RNPEP: variants seen among roughly 807,000 people sequenced by gnomAD.
RNPEP encodes the protein arginyl aminopeptidase, also known as aminopeptidase B.
RNPEP carries 57 observed loss-of-function variants against 70.1 expected under a neutral mutation model. The observed-to-expected ratio is 0.81, with a 90% CI of 0.66 to 1.01. The LOEUF (loss-of-function observed/expected upper bound fraction) is 1.01. RNPEP is among the 50% of genes least tolerant of loss of function. The pLI is 0.00. For synonymous variants in RNPEP, 335 were observed against 357.4 expected (o/e 0.94, Z 0.71); for missense variants, 787 against 852.4 (o/e 0.92, Z 0.96).
intron 4 of RNPEP, 141 bp downstream of exon 4, chr1:201,996,404 A>AG (rs1683552461): frequency 1.4e-6 from 1 of 698,138 alleles, no homozygotes; most frequent in Non-Finnish European, 2.6e-6. Flanking sequence ...GGAGGAAGAG[A>AG]GGAGGGTATG....
chr1:201,985,700 C>T (rs1025803323), intron 1 of RNPEP, among the ~76,000 whole-genome samples: 3 of 152,132 alleles, frequency 2.0e-5, no homozygotes, highest in African/African-American at 7.2e-5. Flanking sequence ...ATATTATTAA[C>T]CAAGATTGAA....
rs887799967 is a variant in RNPEP at position 202,000,370 on chromosome 1, C to G, written c.1204+355C>G. ...TAGCCTTATTTTACAGAGGATGGGA[C>G]TGAGTGCCAGACAAGTTAAGTGTCT... is the stretch of plus-strand genomic sequence containing the variant. On this transcript the variant is annotated intron_variant, in intron 6 of 10. Transcript: ENST00000295640. 1.0e-4 allele frequency: 19 copies of G among 184,582 alleles called. No homozygotes were observed. The South Asian group carries it at 2.2e-3, about 21-fold the overall frequency. The allele number at this position is 184,582 out of a possible 1,614,324, so 11.4% of individuals were successfully genotyped here. A position where few individuals can be genotyped will look rare whatever the true frequency, so the allele number is the denominator to read the frequency against.
intron 1 of RNPEP, among the ~76,000 whole-genome samples, chr1:201,985,001 T>G (rs927142246): frequency 6.6e-6 from 1 of 151,666 alleles, no homozygotes; most frequent in Non-Finnish European, 1.5e-5. Flanking sequence ...GAGACCAGCC[T>G]GGCCAACATG....
In RNPEP at chr1:201,992,000, G is replaced by T. The variant is rs1683353502; in HGVS notation, c.737+2469G>T. Among the ~76,000 whole-genome samples, 2 of 152,116 alleles carry T rather than the reference G, an allele frequency of 1.3e-5. 1 individual carries two copies. Among genetic ancestry groups the T allele is most frequent in the African/African-American group, 4.8e-5 (2 of 41,516 alleles). ...CTAACACCCAGGGTTGAGGGTGGCT[G>T]CAGGGTTTCTTGTGCCTTTCTCCCT... On this transcript the variant is annotated intron_variant, in intron 3 of 10. Transcript: ENST00000295640.
Position 201,996,345 on chromosome 1 carries a change from C to T in RNPEP, c.854+82C>T. ...TCTTCCTCTTCGTGTGGCTTTTCCA[C>T]CTCCTGCCTCCCAGAGCAAAGTTTC... is the stretch of plus-strand genomic sequence containing the variant. On this transcript the variant is annotated intron_variant, in intron 4 of 10. Coordinates refer to ENST00000295640, the MANE Select transcript of RNPEP (RefSeq NM_020216.4). 4 of 967,278 alleles carry T rather than the reference C, an allele frequency of 4.1e-6. No homozygotes were observed. The South Asian group carries it at 4.1e-5, about 10-fold the overall frequency. 59.9% of individuals were successfully genotyped at this position (967,278 alleles called of 1,614,324 possible).
rs963533677 is a variant in RNPEP, at chr1:201,982,819, G to C, written c.153G>C (p.Gly51=). ...TGCGGGCTGAGTTCGGGCCTCCAGG[G>C]CCCGGCGCAGGGAGCCGGGGGCTGA... The part of the protein sequence containing the change: ...LDLRAEFGPP[G]PGAGSRGLSG... The change falls in exon 1 of 11, where the codon GGG becomes GGC. Residue 51 remains glycine (G), a synonymous_variant. Transcript: ENST00000295640. 2 of 1,333,590 alleles carry C rather than the reference G, an allele frequency of 1.5e-6. No individual in the cohort carries two copies. Among genetic ancestry groups the C allele is most frequent in the African/African-American group, 3.1e-5 (2 of 64,790 alleles). 82.6% of individuals were successfully genotyped at this position (1,333,590 alleles called of 1,614,324 possible). A position where few individuals can be genotyped will look rare whatever the true frequency, so the allele number is the denominator to read the frequency against.
chr1:202,003,220 T>A lies in RNPEP; in HGVS notation c.1427-17T>A. The stretch of plus-strand genomic sequence containing the variant: ...TGGCCAGAGAATTCTGATAGTGTCT[T>A]CTCTCCTCCCAAACAGGTTTTGAGT... On this transcript the variant is annotated splice_polypyrimidine_tract_variant and intron_variant, in intron 8 of 10. Transcript: ENST00000295640. 1 of 1,597,074 alleles carries A rather than the reference T, an allele frequency of 6.3e-7. No individual in the cohort carries two copies. The highest frequency in any genetic ancestry group is 8.6e-7 in the Non-Finnish European group (1 of 1,167,662).
intron 3 of RNPEP, among the ~76,000 whole-genome samples, chr1:201,993,625 C>A (rs1428476926): frequency 2.3e-4 from 32 of 140,140 alleles, no homozygotes; most frequent in East Asian, 6.2e-4. Context: ...AAAAAAAAAA[C>A]AAACTCGGCC....
chr1:202,004,981 C>T (rs1405407227), intron 10 of RNPEP, among the ~76,000 whole-genome samples: 29 of 152,098 alleles, frequency 1.9e-4, no homozygotes, highest in Admixed American at 1.9e-3. Context: ...CATCAGATTC[C>T]GGAGCAGGGA....
chr1:201,984,053 C>A (rs1683037894), intron 1 of RNPEP, among the ~76,000 whole-genome samples: 1 of 152,208 alleles, frequency 6.6e-6, no homozygotes, highest in Non-Finnish European at 1.5e-5. Flanking sequence ...ACCTCACCCT[C>A]CCTAGTAGCT....
chr1:201,989,085 A>C, intron 2 of RNPEP, 41 bp downstream of exon 2: 1 of 1,585,556 alleles, frequency 6.3e-7, no homozygotes, highest in Non-Finnish European at 8.6e-7. Context: ...CTTGGGATGA[A>C]GAAATGATTT....
At chr1:201,993,612 CAA>C (rs113348804) in intron 3 of RNPEP, among the ~76,000 whole-genome samples, 2 of 134,344 alleles carry the variant, frequency 1.5e-5, no homozygotes, top group Non-Finnish European at 1.6e-5. Context: ...AAAGCCAAAA[CAA>C]AAAAAAAAAA....
Position 201,989,375 on chromosome 1 carries a change from G to T in RNPEP, c.589-8G>T, listed in dbSNP as rs544152156. On this transcript the variant is annotated splice_polypyrimidine_tract_variant and splice_region_variant and intron_variant, in intron 2 of 10. Coordinates refer to ENST00000295640, the MANE Select transcript of RNPEP (RefSeq NM_020216.4). Reference sequence around the variant, plus strand: ...AGGTAAAATCTCCTAAGCTTTCTCTGTTGTCAGGTCCCAGATGGCTTCACA... The same window carrying T: ...AGGTAAAATCTCCTAAGCTTTCTCTTTTGTCAGGTCCCAGATGGCTTCACA... The T allele has an allele frequency of 1.1e-5, 18 of 1,613,134 alleles. No homozygotes were observed. Among genetic ancestry groups the T allele is most frequent in the Non-Finnish European group, 1.4e-5 (17 of 1,179,794 alleles).
rs551251408 is a variant in RNPEP, at chr1:201,997,307, G to A, written c.855-12G>A. The A allele has an allele frequency of 7.4e-6, 12 of 1,611,234 alleles. No individual in the cohort carries two copies. Among genetic ancestry groups the A allele is most frequent in the Middle Eastern group, 1.7e-4 (1 of 6,060 alleles). Reference sequence around the variant, plus strand: ...GCCAGGGCCTCTTGGTGACCTCCCCGCTTCTCGGCAGGTATGACTTGCTCT... The same window carrying A: ...GCCAGGGCCTCTTGGTGACCTCCCCACTTCTCGGCAGGTATGACTTGCTCT... On this transcript the variant is annotated splice_polypyrimidine_tract_variant and intron_variant, in intron 4 of 10. Coordinates refer to ENST00000295640, the MANE Select transcript of RNPEP (RefSeq NM_020216.4).
chr1:202,001,117 G>A (rs1010390594), intron 6 of RNPEP: 2 of 459,048 alleles, frequency 4.4e-6, no homozygotes, highest in South Asian at 5.7e-5. Context: ...TGAGATCTTG[G>A]AAGTACCTTG....
chr1:202,004,006 G>GA (rs1467964003), intron 9 of RNPEP, among the ~76,000 whole-genome samples: 1 of 152,156 alleles, frequency 6.6e-6, no homozygotes, highest in Non-Finnish European at 1.5e-5. Flanking sequence ...AGTGGTAGGA[G>GA]AAAAAATGGG....
chr1:201,996,465 TTGTGTGTGTGTGTGTGTG>T (rs71281164), intron 4 of RNPEP: 29,737 of 232,920 alleles, frequency 0.13, 1,818 homozygotes, highest in African/African-American at 0.27. Flanking sequence ...ATGAGGTTCT[TTGTGTGTGTGTGTGTGTG>T]TGTGTGTGTG....
intron 3 of RNPEP, among the ~76,000 whole-genome samples, chr1:201,992,674 C>T (rs1683385339): frequency 6.6e-6 from 1 of 152,140 alleles, no homozygotes; most frequent in South Asian, 2.1e-4. Flanking sequence ...CTCTTACCAA[C>T]ACCCCAAAGC....
chr1:201,990,702 T>C (rs1381603889), intron 3 of RNPEP, among the ~76,000 whole-genome samples: 1 of 152,166 alleles, frequency 6.6e-6, no homozygotes, highest in Non-Finnish European at 1.5e-5. Flanking sequence ...TGGGATTCCA[T>C]TGGCATCTGC....
Sources: allele counts gnomAD v4.1 joint callset (sites outside exome capture counted in the v4.1 genomes callset), GRCh38; gene constraint gnomAD v4.1.1; transcripts MANE v1.5; gene names NCBI Gene and HGNC (gene_info 2026-07-23, HGNC 2026-07-21).